The following ABCC4 variants were observed in gnomAD, a reference collection of about 807,000 sequenced individuals.
ABCC4 encodes the protein ATP-binding cassette sub-family C member 4.
A neutral mutation model predicts 168.5 loss-of-function variants in ABCC4; 102 were observed. That is an observed-to-expected ratio of 0.61 (90% confidence interval 0.52 to 0.71). The LOEUF (loss-of-function observed/expected upper bound fraction) is 0.71. ABCC4 is among the 30% of genes least tolerant of loss of function. The pLI, the probability that ABCC4 is intolerant of heterozygous loss-of-function variation, is 0.00. For missense variants in ABCC4, 1,402 were observed against 1,605.8 expected, an observed-to-expected ratio of 0.87 and a Z score of 2.17; for synonymous variants, 617 against 590.7, an observed-to-expected ratio of 1.04 and a Z score of -0.65.
At chr13:95,168,546 C>T (rs1034558244) in intron 14 of ABCC4, among the ~76,000 whole-genome samples, 5 of 152,190 alleles carry the variant, frequency 3.3e-5, no homozygotes, top group Admixed American at 6.5e-5. Context: ...CCTTGGAGAA[C>T]GGTGCACACA....
chr13:95,191,632 T>C (rs898771786), intron 9 of ABCC4, among the ~76,000 whole-genome samples: 5 of 152,220 alleles, frequency 3.3e-5, no homozygotes, highest in African/African-American at 1.2e-4. Context: ...CTCTAAAATG[T>C]AACGGGTCTA....
chr13:95,022,732 A>G (rs1375168842), intron 30 of ABCC4, among the ~76,000 whole-genome samples: 4 of 152,194 alleles, frequency 2.6e-5, no homozygotes, highest in Non-Finnish European at 5.9e-5. Flanking sequence ...TGCTCTGAAT[A>G]TATTGGTGGG....
chr13:95,130,121 T>C lies in ABCC4; in HGVS notation c.2456-14120A>G, dbSNP rs148539799. Among the ~76,000 whole-genome samples the C allele has an allele frequency of 5.9e-5, 9 of 151,954 alleles. No homozygotes were observed. The East Asian group carries it at 1.2e-3, about 20-fold the overall frequency. ...AGAAAGAAACTTAACAGAAAACTTATCGTATTGCAAATGTATTTTGACTTT... is the reference window on the plus strand; with the variant it reads ...AGAAAGAAACTTAACAGAAAACTTACCGTATTGCAAATGTATTTTGACTTT... On this transcript the variant is annotated intron_variant, in intron 19 of 30. Coordinates refer to ENST00000645237, the MANE Select transcript of ABCC4 (RefSeq NM_005845.5).
Position 95,021,335 on chromosome 13 carries a change from T to A in ABCC4, c.*240A>T. 2.4e-6 allele frequency: 1 copy of A among 419,684 alleles called. No homozygotes were observed. The highest frequency in any genetic ancestry group is 4.5e-5 in the South Asian group (1 of 22,064). 26.0% of individuals were successfully genotyped at this position (419,684 alleles called of 1,614,324 possible). A position where few individuals can be genotyped will look rare whatever the true frequency, so the allele number is the denominator to read the frequency against. ...GGCACAAAACCTGATAGACGGCATT[T>A]AACTGGTGGCCTGCACCTCTGATTT... On this transcript the variant is annotated 3_prime_UTR_variant, in exon 31 of 31. Coordinates refer to ENST00000645237, the MANE Select transcript of ABCC4 (RefSeq NM_005845.5).
chr13:95,231,307 A>G (rs2039614996), intron 4 of ABCC4, among the ~76,000 whole-genome samples: 3 of 152,262 alleles, frequency 2.0e-5, no homozygotes, highest in Admixed American at 1.3e-4. Flanking sequence ...ATATTTTATT[A>G]CAATAAGAAG....
chr13:95,166,351 T>C lies in ABCC4; in HGVS notation c.1841A>G (p.Lys614Arg). ...LILKDGKMVQ[K>R]GTYTEFLKSG... is the part of the protein sequence containing the mutation. The stretch of plus-strand genomic sequence containing the variant: ...TTTTAGGAACTCAGTGTAAGTCCCC[T>C]TCTGCACCATTTTACCCTAAAATAA... Residue 614 changes from lysine to arginine, a missense_variant, in exon 15 of 31, where the codon AAG (lysine) becomes AGG (arginine). Transcript: ENST00000645237. The C allele has an allele frequency of 6.2e-7, 1 of 1,612,704 alleles. No homozygotes were observed. The highest frequency in any genetic ancestry group is 1.1e-5 in the South Asian group (1 of 90,992).
At chr13:95,257,681 AAAG>A (rs914958387) in intron 1 of ABCC4, among the ~76,000 whole-genome samples, 29 of 151,882 alleles carry the variant, frequency 1.9e-4, no homozygotes, top group African/African-American at 6.5e-4. Flanking sequence ...AAAGAAAGAA[AAAG>A]AAAAAAAAAG....
At chr13:95,049,965 T>C (rs181268099) in intron 27 of ABCC4, among the ~76,000 whole-genome samples, 1 of 152,316 alleles carries the variant, frequency 6.6e-6, no homozygotes, top group East Asian at 1.9e-4. Context: ...CTATGTTTTT[T>C]GTCTGCTTTA....
In ABCC4 at chr13:95,131,875, GA is replaced by G. The variant is rs558998714; in HGVS notation, c.2456-15875del. On this transcript the variant is annotated intron_variant, in intron 19 of 30. Transcript: ENST00000645237. ...ATCATAAAAATGGTCCAGGTGCAATGAAAAAAAAAATATGACAGGTCCCCAA... is the reference window on the plus strand; with the variant it reads ...ATCATAAAAATGGTCCAGGTGCAATGAAAAAAAAATATGACAGGTCCCCAA... Among the ~76,000 whole-genome samples, 198 of 148,670 alleles carry G rather than the reference GA, an allele frequency of 1.3e-3. 1 individual carries two copies. The highest frequency in any genetic ancestry group is 4.6e-3 in the African/African-American group (185 of 40,632).
intron 27 of ABCC4, among the ~76,000 whole-genome samples, chr13:95,052,480 T>G (rs906246924): frequency 3.3e-5 from 5 of 152,056 alleles, no homozygotes; most frequent in African/African-American, 1.2e-4. Flanking sequence ...GTGAGAAAAT[T>G]TCAAGAAGTG....
chr13:95,078,745 GA>G (rs1223317620), intron 21 of ABCC4, among the ~76,000 whole-genome samples: 1 of 152,176 alleles, frequency 6.6e-6, no homozygotes, highest in Non-Finnish European at 1.5e-5. Context: ...GAAATCACTA[GA>G]ACCATGCTCT....
chr13:95,159,692 A>G (rs570293096), intron 19 of ABCC4, among the ~76,000 whole-genome samples: 2 of 152,334 alleles, frequency 1.3e-5, no homozygotes, highest in East Asian at 1.9e-4. Context: ...AGGTCCTCCA[A>G]TGACTTTCTA....
chr13:95,236,954 G>A (rs2039790628), intron 3 of ABCC4, among the ~76,000 whole-genome samples: 2 of 152,178 alleles, frequency 1.3e-5, no homozygotes, highest in South Asian at 4.1e-4. Context: ...GGCAACCAGG[G>A]CCGCAGCAGA....
chr13:95,052,325 T>C (rs1443835261), intron 27 of ABCC4, among the ~76,000 whole-genome samples: 4 of 152,296 alleles, frequency 2.6e-5, no homozygotes, highest in African/African-American at 7.2e-5. Flanking sequence ...CTAGGTCCTG[T>C]GAGGGATTAC....
rs55980425 is a variant in ABCC4, at chr13:95,054,021, C to CTTTTTTTTT, written c.3367-846_3367-838dup. ...CTCTCCAATGTCAGAATGGGACATCCTTTTTTTTTTTTTTTTTTTTTTTTT... is the reference window on the plus strand; with the variant it reads ...CTCTCCAATGTCAGAATGGGACATCCTTTTTTTTTTTTTTTTTTTTTTTTTTTTTTTTTT... On this transcript the variant is annotated intron_variant, in intron 26 of 30. Transcript: ENST00000645237. 1.6e-3 allele frequency: 116 copies of CTTTTTTTTT among 71,622 alleles called. 11 individuals carry two copies. Among genetic ancestry groups the CTTTTTTTTT allele is most frequent in the African/African-American group, 7.6e-3 (105 of 13,764 alleles). 4.4% of individuals were successfully genotyped at this position (71,622 alleles called of 1,614,324 possible). A position where few individuals can be genotyped will look rare whatever the true frequency, so the allele number is the denominator to read the frequency against.
At position 95,264,864 on chromosome 13, in the gene ABCC4, CTTT is replaced by C. The variant is rs55932446; in HGVS notation, c.75-17114_75-17112del. Among the ~76,000 whole-genome samples, 594 of 106,480 alleles carry C rather than the reference CTTT, an allele frequency of 5.6e-3. 1 individual carries two copies. Among genetic ancestry groups the C allele is most frequent in the African/African-American group, 0.014 (445 of 31,708 alleles). The allele number at this position is 106,480 out of a possible 152,430, so 69.9% of individuals were successfully genotyped here. Reference sequence around the variant, plus strand: ...TAAGGGGCCTCAGATCTACAATCCACTTTTTTTTTTTTTTTTTTTTTTGAGACA... The same window carrying C: ...TAAGGGGCCTCAGATCTACAATCCACTTTTTTTTTTTTTTTTTTTGAGACA... On this transcript the variant is annotated intron_variant, in intron 1 of 30. Transcript: ENST00000645237.
intron 25 of ABCC4, among the ~76,000 whole-genome samples, chr13:95,069,842 CATT>C (rs2033667956): frequency 6.6e-6 from 1 of 152,182 alleles, no homozygotes; most frequent in Non-Finnish European, 1.5e-5. Context: ...GTGCGTATCA[CATT>C]TTGTTTTTCC....
At position 95,186,831 on chromosome 13, in the gene ABCC4, T is replaced by C. The variant is rs1290619275; in HGVS notation, c.1415A>G (p.His472Arg). 3 of 1,614,150 alleles carry C rather than the reference T, an allele frequency of 1.9e-6. No individual in the cohort carries two copies. Among genetic ancestry groups the C allele is most frequent in the Non-Finnish European group, 1.7e-6 (2 of 1,180,010 alleles). Reference protein sequence around the residue: ...LAPSHGLVSVHGRIAYVSQQP... With the variant: ...LAPSHGLVSVRGRIAYVSQQP... Reference sequence around the variant, plus strand: ...CTGAGACACATAGGCAATTCTTCCATGCACGCTGACCAGCCCGTGACTTGG... The same window carrying C: ...CTGAGACACATAGGCAATTCTTCCACGCACGCTGACCAGCCCGTGACTTGG... The change falls in exon 11 of 31, where the codon CAT becomes CGT. Residue 472 changes from histidine to arginine, a missense_variant. This residue lies in a region of ABCC4 where 1,007 missense variants were observed against 1,127.3 expected (regional missense o/e 0.89). Coordinates refer to ENST00000645237, the MANE Select transcript of ABCC4 (RefSeq NM_005845.5).
intron 4 of ABCC4, among the ~76,000 whole-genome samples, chr13:95,221,051 T>G (rs1407825468): frequency 6.6e-6 from 1 of 152,086 alleles, no homozygotes; most frequent in African/African-American, 2.4e-5. Flanking sequence ...CAAAATTAAA[T>G]TTACCTGAGG....
Sources: gnomAD v4.1 joint callset for allele counts (sites outside exome capture counted in the v4.1 genomes callset) on GRCh38, gnomAD v4.1.1 for gene constraint, gnomAD v4.1.1 regional missense constraint, MANE v1.5 for transcripts, NCBI Gene and HGNC (gene_info 2026-07-23, HGNC 2026-07-21) for gene names.